UEVLD: variants seen among roughly 807,000 people sequenced by gnomAD.
The protein encoded by UEVLD is UEV and lactate/malate dehyrogenase domains, also known as ubiquitin-conjugating enzyme E2 variant 3.
UEVLD carries 47 observed loss-of-function variants against 58.6 expected under a neutral mutation model. The ratio of observed to expected loss-of-function variants is 0.80; its 90% CI spans 0.63 to 1.02. UEVLD has a LOEUF of 1.02. UEVLD is among the 50% of genes least tolerant of loss of function. The probability of loss-of-function intolerance (pLI) is 0.00; values close to 1 mark genes in which losing one functional copy is unlikely to be tolerated. For missense variants in UEVLD, 510 were observed against 550.6 expected, an observed-to-expected ratio of 0.93 and a Z score of 0.74; for synonymous variants, 197 against 195.3, an observed-to-expected ratio of 1.01 and a Z score of -0.07.
At chr11:18,558,453 A>T in intron 6 of UEVLD, 123 bp from the exon 7 acceptor site, 5 of 496,722 alleles carry the variant, frequency 1.0e-5, no homozygotes, top group Non-Finnish European at 1.7e-5. Context: ...TGTTAAGAAG[A>T]GTAAGTAACA....
At chr11:18,579,358 A>T in intron 1 of UEVLD, 2 of 717,116 alleles carry the variant, frequency 2.8e-6, no homozygotes, top group Non-Finnish European at 3.4e-6. Context: ...ATAGCAAGTT[A>T]AATAGTGAAG....
intron 11 of UEVLD, among the ~76,000 whole-genome samples, chr11:18,532,996 T>C (rs1446355150): frequency 5.9e-5 from 9 of 152,094 alleles, no homozygotes; most frequent in Admixed American, 4.6e-4. Flanking sequence ...CAAACATTTA[T>C]CATTTATTTG....
At chr11:18,580,389 ACC>A (rs1225018689) in intron 1 of UEVLD, among the ~76,000 whole-genome samples, 1 of 152,156 alleles carries the variant, frequency 6.6e-6, no homozygotes, top group African/African-American at 2.4e-5. Flanking sequence ...GAAAACGGGT[ACC>A]TACACAAAAA....
rs1195699079 is a variant in UEVLD at position 18,569,916 on chromosome 11, C to A, written c.357+298G>T. Reference sequence around the variant, plus strand: ...TAGGAAGGGACTTGGAAATAATGCCCCAATCACTTGCTAGTAGCTCCTCCT... The same window carrying A: ...TAGGAAGGGACTTGGAAATAATGCCACAATCACTTGCTAGTAGCTCCTCCT... On this transcript the variant is annotated intron_variant, in intron 4 of 11. Transcript: ENST00000396197. 9 of 195,122 alleles carry A rather than the reference C, an allele frequency of 4.6e-5. No homozygotes were observed. In the Admixed American group the frequency reaches 5.1e-4, roughly 11 times the overall value. 12.1% of individuals were successfully genotyped at this position (195,122 alleles called of 1,614,324 possible). A position where few individuals can be genotyped will look rare whatever the true frequency, so the allele number is the denominator to read the frequency against.
intron 1 of UEVLD, among the ~76,000 whole-genome samples, chr11:18,583,073 TCAC>T (rs1207863573): frequency 1.4e-5 from 2 of 147,826 alleles, no homozygotes; most frequent in Non-Finnish European, 3.0e-5. Context: ...CAGATGCGCA[TCAC>T]CACACCTGGC....
intron 9 of UEVLD, 141 bp downstream of exon 9, chr11:18,544,482 T>G (rs1295470045): frequency 1.2e-6 from 1 of 841,780 alleles, no homozygotes; most frequent in Non-Finnish European, 1.8e-6. Flanking sequence ...TAATTTTTTA[T>G]CTTTTTGTAG....
rs770033701 is a variant in UEVLD at position 18,578,809 on chromosome 11, C to A, written c.43-1G>T. ...CCACAGTTAGGTCCCTGAACTTGTACTGAAAAGAGAAAAATAAGCATGGAG... is the reference window on the plus strand; with the variant it reads ...CCACAGTTAGGTCCCTGAACTTGTAATGAAAAGAGAAAAATAAGCATGGAG... On this transcript the variant is annotated splice_acceptor_variant, in intron 1 of 11. Transcript: ENST00000396197. LOFTEE classifies it high-confidence loss of function. 6.3e-7 allele frequency: 1 copy of A among 1,577,730 alleles called. No homozygotes were observed. Among genetic ancestry groups the A allele is most frequent in the African/African-American group, 1.4e-5 (1 of 72,962 alleles).
At chr11:18,566,284 G>A (rs2134025043) in intron 5 of UEVLD, 63 bp downstream of exon 5, 1 of 1,589,892 alleles carries the variant, frequency 6.3e-7, no homozygotes. Flanking sequence ...GAAAGTAAAG[G>A]AGTTTAGTGA....
intron 6 of UEVLD, among the ~76,000 whole-genome samples, chr11:18,564,378 C>A (rs1852192810): frequency 6.6e-6 from 1 of 151,964 alleles, no homozygotes; most frequent in Non-Finnish European, 1.5e-5. Flanking sequence ...GTCTTTTGAA[C>A]CTCTCTGGAA....
intron 6 of UEVLD, chr11:18,564,076 C>T: frequency 4.3e-6 from 1 of 231,644 alleles, no homozygotes; most frequent in Non-Finnish European, 9.3e-6. Flanking sequence ...CTACAGCATG[C>T]CAAAAGTTGG....
chr11:18,569,471 T>C (rs565066060), intron 4 of UEVLD, among the ~76,000 whole-genome samples: 1 of 152,312 alleles, frequency 6.6e-6, no homozygotes, highest in South Asian at 2.1e-4. Context: ...TTTGGACCAA[T>C]AATTCTACTC....
intron 7 of UEVLD, among the ~76,000 whole-genome samples, chr11:18,550,939 T>C (rs1007880849): frequency 6.6e-6 from 1 of 152,166 alleles, no homozygotes; most frequent in African/African-American, 2.4e-5. Context: ...CCCCAGATGA[T>C]TCTGATGCAC....
chr11:18,585,377 G>A (rs942214869), intron 1 of UEVLD, among the ~76,000 whole-genome samples: 1 of 152,168 alleles, frequency 6.6e-6, no homozygotes. Flanking sequence ...TTTGGCGTAA[G>A]GCAGGGATAC....
intron 3 of UEVLD, among the ~76,000 whole-genome samples, chr11:18,573,850 C>A (rs1336561722): frequency 6.6e-6 from 1 of 152,180 alleles, no homozygotes; most frequent in Non-Finnish European, 1.5e-5. Flanking sequence ...CCCGCAAATG[C>A]AGCTTCCTAG....
rs555124475 is a variant in UEVLD, at chr11:18,569,400, G to C, written c.357+814C>G. 3.3e-5 allele frequency among the ~76,000 whole-genome samples: 5 copies of C among 152,208 alleles called. No individual in the cohort carries two copies. The South Asian group carries it at 1.0e-3, about 32-fold the overall frequency. ...ACTGATTATAGAAATGTATCATTTT[G>C]TGTACCCTTTTGGAGGCCAATTTAG... On this transcript the variant is annotated intron_variant, in intron 4 of 11. Coordinates refer to ENST00000396197, the MANE Select transcript of UEVLD (RefSeq NM_001040697.4).
intron 1 of UEVLD, among the ~76,000 whole-genome samples, chr11:18,583,739 G>A (rs943615407): frequency 3.7e-5 from 5 of 135,784 alleles, no homozygotes; most frequent in South Asian, 5.0e-4. Flanking sequence ...CCGGCTCACC[G>A]CAACCTGCAC....
In UEVLD at chr11:18,558,110, A is replaced by G. The variant is rs111242999; in HGVS notation, c.715+118T>C. On this transcript the variant is annotated intron_variant, in intron 7 of 11. Coordinates refer to ENST00000396197, the MANE Select transcript of UEVLD (RefSeq NM_001040697.4). Reference sequence around the variant, plus strand: ...AACTTATTTCAATCTTAGTTTCCCAATATGTAAAATGAGAGACTTGGACAA... The same window carrying G: ...AACTTATTTCAATCTTAGTTTCCCAGTATGTAAAATGAGAGACTTGGACAA... 2.5e-3 allele frequency: 1,559 copies of G among 616,806 alleles called. 20 individuals carry two copies. The African/African-American group carries it at 0.026, about 10-fold the overall frequency. The allele number at this position is 616,806 out of a possible 1,614,324, so 38.2% of individuals were successfully genotyped here.
chr11:18,586,063 C>G (rs1301947303), intron 1 of UEVLD, among the ~76,000 whole-genome samples: 4 of 152,184 alleles, frequency 2.6e-5, no homozygotes, highest in Non-Finnish European at 5.9e-5. Context: ...TTGGAGAGAA[C>G]TGACAATCTT....
At chr11:18,537,090 C>T (rs1392488706) in intron 9 of UEVLD, among the ~76,000 whole-genome samples, 1 of 151,178 alleles carries the variant, frequency 6.6e-6, no homozygotes, top group Non-Finnish European at 1.5e-5. Context: ...TTAGTAGAGA[C>T]AGGGTTCACC....
Sources: allele counts gnomAD v4.1 joint callset (sites outside exome capture counted in the v4.1 genomes callset), GRCh38; gene constraint gnomAD v4.1.1; transcripts MANE v1.5; gene names NCBI Gene and HGNC (gene_info 2026-07-23, HGNC 2026-07-21).